The following HPCAL1 variants were observed in gnomAD, a reference collection of about 807,000 sequenced individuals.
The protein encoded by HPCAL1 is hippocalcin like 1, also known as hippocalcin-like protein 1.
Under a neutral mutation model 17.1 loss-of-function variants are expected in HPCAL1, and 8 were observed. That is an observed-to-expected ratio of 0.47 (90% CI 0.27 to 0.84). The LOEUF is 0.84. Among genes scored for constraint, HPCAL1 ranks in the 40% least tolerant of loss-of-function variants. The probability of loss-of-function intolerance (pLI) is 0.13; values close to 1 mark genes in which losing one functional copy is unlikely to be tolerated. For synonymous variants in HPCAL1, 112 were observed against 111.4 expected, an observed-to-expected ratio of 1.01 and a Z score of -0.03; for missense variants, 165 against 271.1, an observed-to-expected ratio of 0.61 and a Z score of 2.75.
rs1289979910 is a variant in HPCAL1, at chr2:10,354,100, C to A, written c.-110-42735C>A. 2.0e-5 allele frequency: 3 copies of A among 152,228 alleles called. No homozygotes were observed. The highest frequency in any genetic ancestry group is 2.0e-4 in the Admixed American group (3 of 15,286). The allele number at this position is 152,228 out of a possible 1,614,324, so 9.4% of individuals were successfully genotyped here. Reference sequence around the variant, plus strand: ...CATTTCTCCAGTGACAAGGCGCTCACTCCTCCCACGGCGATGCATTCCAGC... The same window carrying A: ...CATTTCTCCAGTGACAAGGCGCTCAATCCTCCCACGGCGATGCATTCCAGC... On this transcript the variant is annotated intron_variant, in intron 1 of 4. Coordinates refer to ENST00000307845, the MANE Select transcript of HPCAL1 (RefSeq NM_002149.4). This position sits in a 1 kb window ranked among gnomAD's most constrained non-coding sequence, Gnocchi z 5.1.
chr2:10,374,483 C>G (rs980441962), intron 1 of HPCAL1, among the ~76,000 whole-genome samples: 3 of 152,250 alleles, frequency 2.0e-5, no homozygotes, highest in African/African-American at 7.2e-5. Context: ...TGTTCCTCTT[C>G]AGGATGCAAG....
At chr2:10,318,534 G>C (rs2125397943) in intron 1 of HPCAL1, among the ~76,000 whole-genome samples, 1 of 152,342 alleles carries the variant, frequency 6.6e-6, no homozygotes, top group Non-Finnish European at 1.5e-5. Flanking sequence ...TGTGGTTAGA[G>C]TTGATGACCG....
At chr2:10,404,868 G>T (rs1669876507) in intron 2 of HPCAL1, among the ~76,000 whole-genome samples, 1 of 152,144 alleles carries the variant, frequency 6.6e-6, no homozygotes, top group Admixed American at 6.5e-5. Flanking sequence ...GCTTGGGTGT[G>T]CCGAGCGAGA....
chr2:10,351,555 C>T (rs1665841603), intron 1 of HPCAL1, among the ~76,000 whole-genome samples: 1 of 152,028 alleles, frequency 6.6e-6, no homozygotes, highest in Non-Finnish European at 1.5e-5. Flanking sequence ...CTCAGGAGTT[C>T]CAGATCAGCC....
At chr2:10,305,564 A>G (rs995845753) in intron 1 of HPCAL1, among the ~76,000 whole-genome samples, 3 of 152,230 alleles carry the variant, frequency 2.0e-5, no homozygotes, top group African/African-American at 7.2e-5. Flanking sequence ...AGAAATGTCA[A>G]TGTGTGATAA....
rs892383084 is a variant in HPCAL1 at position 10,395,671 on chromosome 2, G to A, written c.-110-1164G>A. 5.9e-5 allele frequency among the ~76,000 whole-genome samples: 9 copies of A among 152,186 alleles called. No individual in the cohort carries two copies. The highest frequency in any genetic ancestry group is 1.9e-4 in the East Asian group (1 of 5,196). On this transcript the variant is annotated intron_variant, in intron 1 of 4. Transcript: ENST00000307845. The surrounding 1 kb of genome is among the most constrained non-coding windows in gnomAD (Gnocchi z 4.4). ...GGGAGAAAGTAATTAGGGAGTGTGC[G>A]GTAGATGCGGAAGAGAAACGGGCCG...
Position 10,367,754 on chromosome 2 carries a change from G to A in HPCAL1, c.-110-29081G>A, listed in dbSNP as rs1047380583. On this transcript the variant is annotated intron_variant, in intron 1 of 4. Transcript: ENST00000307845. The surrounding 1 kb of genome is among the most constrained non-coding windows in gnomAD (Gnocchi z 4.4). Reference sequence around the variant, plus strand: ...TCAGTGTGAGCCCTGTGCTGGAGTGGAGGGTGACAGAGCTTCGGACATGAG... The same window carrying A: ...TCAGTGTGAGCCCTGTGCTGGAGTGAAGGGTGACAGAGCTTCGGACATGAG... 2.6e-5 allele frequency among the ~76,000 whole-genome samples: 4 copies of A among 152,178 alleles called. No individual in the cohort carries two copies. Among genetic ancestry groups the A allele is most frequent in the African/African-American group, 9.7e-5 (4 of 41,442 alleles).
rs1468994975 is a variant in HPCAL1, at chr2:10,310,675, G to A, written c.-111+7498G>A. Among the ~76,000 whole-genome samples, 1 of 152,182 alleles carries A rather than the reference G, an allele frequency of 6.6e-6. No homozygotes were observed. Among genetic ancestry groups the A allele is most frequent in the Non-Finnish European group, 1.5e-5 (1 of 68,028 alleles). On this transcript the variant is annotated intron_variant, in intron 1 of 4. Transcript: ENST00000307845. The surrounding 1 kb of genome is among the most constrained non-coding windows in gnomAD (Gnocchi z 4.5). ...TTGTTCCTCAGGCATAACGAGGCCC[G>A]GAGCTGGTGGTCCCCTCCCTCTGTG...
At chr2:10,405,888 C>T (rs1176290394) in intron 2 of HPCAL1, among the ~76,000 whole-genome samples, 1 of 152,242 alleles carries the variant, frequency 6.6e-6, no homozygotes, top group African/African-American at 2.4e-5. Flanking sequence ...GAGCAGTCAG[C>T]TTGCAGTATG....
intron 1 of HPCAL1, among the ~76,000 whole-genome samples, chr2:10,368,448 C>T (rs1365868281): frequency 6.6e-6 from 1 of 152,136 alleles, no homozygotes; most frequent in African/African-American, 2.4e-5. Flanking sequence ...GGGTGGTTCC[C>T]ACCTCTCTGT....
At chr2:10,332,857 G>T (rs74740984) in intron 1 of HPCAL1, among the ~76,000 whole-genome samples, 48 of 152,208 alleles carry the variant, frequency 3.2e-4, no homozygotes, top group African/African-American at 8.9e-4. Context: ...GGCGTGAGAG[G>T]CTCACTAAAC....
intron 1 of HPCAL1, among the ~76,000 whole-genome samples, chr2:10,346,891 G>C (rs1205978906): frequency 7.9e-6 from 1 of 127,208 alleles, no homozygotes; most frequent in Non-Finnish European, 1.5e-5. Flanking sequence ...TTCTAACTGG[G>C]GTCAGGACCA....
rs1368864550 is a variant in HPCAL1, at chr2:10,344,518, C to T, written c.-111+41341C>T. Among the ~76,000 whole-genome samples the T allele has an allele frequency of 6.6e-6, 1 of 152,240 alleles. No individual in the cohort carries two copies. Among genetic ancestry groups the T allele is most frequent in the Admixed American group, 6.5e-5 (1 of 15,288 alleles). On this transcript the variant is annotated intron_variant, in intron 1 of 4. Coordinates refer to ENST00000307845, the MANE Select transcript of HPCAL1 (RefSeq NM_002149.4). This position sits in a 1 kb window ranked among gnomAD's most constrained non-coding sequence, Gnocchi z 4.9. ...CTCCAGAATAGCTTCTTAGATATCA[C>T]TCTTCAGGCCCTGAAATGGAGCCCT...
intron 1 of HPCAL1, among the ~76,000 whole-genome samples, chr2:10,336,138 C>G (rs12692402): frequency 0.54 from 43,686 of 80,750 alleles, 12,995 homozygotes; most frequent in East Asian, 0.75. Flanking sequence ...GTATCCTCTG[C>G]TGTAAATTAA....
intron 1 of HPCAL1, among the ~76,000 whole-genome samples, chr2:10,361,079 G>GT (rs910886089): frequency 6.9e-6 from 1 of 144,746 alleles, no homozygotes; most frequent in Non-Finnish European, 1.5e-5. Context: ...CTCCTTTTCT[G>GT]TCATACTAGA....
chr2:10,400,212 A>G (rs1449116555), intron 2 of HPCAL1, among the ~76,000 whole-genome samples: 2 of 152,184 alleles, frequency 1.3e-5, no homozygotes, highest in Non-Finnish European at 2.9e-5. Flanking sequence ...CGGCTCAGCC[A>G]GGTCGGAGTG....
intron 1 of HPCAL1, among the ~76,000 whole-genome samples, chr2:10,385,854 C>A (rs577683410): frequency 6.6e-6 from 1 of 152,094 alleles, no homozygotes; most frequent in Non-Finnish European, 1.5e-5. Context: ...CCCCCACTGC[C>A]CTGGACGCCT....
Position 10,384,513 on chromosome 2 carries a change from G to A in HPCAL1, c.-110-12322G>A, listed in dbSNP as rs1668182932. ...GTGCTGTGCTGGGCACTGGGGCAAGGCCCCCTCCCCCATGGGGCTACAGAT... is the reference window on the plus strand; with the variant it reads ...GTGCTGTGCTGGGCACTGGGGCAAGACCCCCTCCCCCATGGGGCTACAGAT... On this transcript the variant is annotated intron_variant, in intron 1 of 4. Transcript: ENST00000307845. This position sits in a 1 kb window ranked among gnomAD's most constrained non-coding sequence, Gnocchi z 4.4. Among the ~76,000 whole-genome samples, 1 of 151,984 alleles carries A rather than the reference G, an allele frequency of 6.6e-6. No individual in the cohort carries two copies. The highest frequency in any genetic ancestry group is 1.5e-5 in the Non-Finnish European group (1 of 67,996).
At chr2:10,361,197 G>A (rs1666504304) in intron 1 of HPCAL1, among the ~76,000 whole-genome samples, 1 of 150,642 alleles carries the variant, frequency 6.6e-6, no homozygotes, top group African/African-American at 2.5e-5. Flanking sequence ...TGGGTGGGTG[G>A]TCGGGCTCGT....
Sources: gnomAD v4.1 joint callset for allele counts (sites outside exome capture counted in the v4.1 genomes callset) on GRCh38, gnomAD v4.1.1 for gene constraint, Gnocchi (gnomAD v3.1) non-coding constraint, MANE v1.5 for transcripts, NCBI Gene and HGNC (gene_info 2026-07-23, HGNC 2026-07-21) for gene names.